The following PVT1 variants were observed in gnomAD, a reference collection of about 807,000 sequenced individuals.
PVT1 encodes the protein CXCR4/PVT1 fusion.
intron 2 of PVT1, among the ~76,000 whole-genome samples, chr8:127,834,809 A>G (rs749801395): frequency 6.6e-6 from 1 of 152,056 alleles, no homozygotes; most frequent in Non-Finnish European, 1.5e-5. Flanking sequence ...AGACATTTAT[A>G]TGGCCAACAA....
At chr8:128,059,794 G>C (rs1813807012) in intron 4 of PVT1, among the ~76,000 whole-genome samples, 1 of 152,178 alleles carries the variant, frequency 6.6e-6, no homozygotes, top group Admixed American at 6.5e-5. Context: ...GATGCAAAGA[G>C]GTTCAGAAAC....
intron 2 of PVT1, among the ~76,000 whole-genome samples, chr8:127,890,392 C>T (rs946044064): frequency 3.9e-5 from 6 of 152,230 alleles, no homozygotes; most frequent in Non-Finnish European, 4.4e-5. Context: ...AGAGGTCCTT[C>T]GTACCGCAGG....
At chr8:128,025,222 C>T (rs1411694958) in intron 4 of PVT1, among the ~76,000 whole-genome samples, 1 of 152,176 alleles carries the variant, frequency 6.6e-6, no homozygotes, top group Non-Finnish European at 1.5e-5. Flanking sequence ...GTTCGGGGTA[C>T]GGAAGCAGGA....
In PVT1 at chr8:127,843,435, C is replaced by G. The variant is rs542021497; in HGVS notation, n.373-47154C>G. On this transcript the variant is annotated intron_variant and non_coding_transcript_variant, in intron 2 of 10. Coordinates refer to ENST00000651587, the Ensembl canonical transcript of PVT1. ...TAAATCAAACAGCTCTTGAGAGATG[C>G]CTGTTTGGCTGTTTTTATTTTTTTA... Among the ~76,000 whole-genome samples the G allele has an allele frequency of 2.8e-3, 422 of 152,196 alleles. 1 individual carries two copies. The highest frequency in any genetic ancestry group is 0.01 in the Middle Eastern group (3 of 294).
rs1814643611 is a variant in PVT1 at position 127,815,037 on chromosome 8, G to GCTCAC, written n.372+18968_372+18972dup. Among the ~76,000 whole-genome samples the GCTCAC allele has an allele frequency of 5.9e-5, 9 of 152,144 alleles. No homozygotes were observed. The South Asian group carries it at 1.9e-3, about 32-fold the overall frequency. Reference sequence around the variant, plus strand: ...GCTGGAGTGCAGTGGCACAATTTCAGCTCACCACAACCTCTGCCTCCCAAT... The same window carrying GCTCAC: ...GCTGGAGTGCAGTGGCACAATTTCAGCTCACCTCACCACAACCTCTGCCTCCCAAT... On this transcript the variant is annotated intron_variant and non_coding_transcript_variant, in intron 2 of 10. Coordinates refer to ENST00000651587, the Ensembl canonical transcript of PVT1.
At chr8:127,889,039 T>TTCCTTCCTTCCTTC (rs1563631167) in intron 2 of PVT1, among the ~76,000 whole-genome samples, 230 of 82,538 alleles carry the variant, frequency 2.8e-3, no homozygotes, top group African/African-American at 4.3e-3. Flanking sequence ...TCTCTTTCTT[T>TTCCTTCCTTCCTTC]CTTCCTTCCT....
chr8:127,819,476 G>T (rs903016219), intron 2 of PVT1, among the ~76,000 whole-genome samples: 2 of 152,242 alleles, frequency 1.3e-5, no homozygotes, highest in African/African-American at 4.8e-5. Context: ...GAGGCAGAGA[G>T]ATAAGTGTCT....
chr8:127,828,929 G>C (rs1814820904), intron 2 of PVT1, among the ~76,000 whole-genome samples: 1 of 152,106 alleles, frequency 6.6e-6, no homozygotes, highest in South Asian at 2.1e-4. Flanking sequence ...AGGTAAACTT[G>C]TTAGCATCTG....
intron 4 of PVT1, among the ~76,000 whole-genome samples, chr8:128,007,426 CT>C (rs1193042268): frequency 7.1e-6 from 1 of 141,444 alleles, no homozygotes; most frequent in Non-Finnish European, 1.6e-5. Flanking sequence ...AAAATAAAAA[CT>C]AAAAAAAAAA....
intron 3 of PVT1, among the ~76,000 whole-genome samples, chr8:127,944,371 G>T (rs573541954): frequency 3.3e-5 from 5 of 152,164 alleles, no homozygotes; most frequent in African/African-American, 9.7e-5. Flanking sequence ...GAAGCCCCAG[G>T]TTCAATTTCT....
At chr8:127,931,169 G>A (rs767936799) in intron 3 of PVT1, among the ~76,000 whole-genome samples, 7 of 152,232 alleles carry the variant, frequency 4.6e-5, no homozygotes, top group Admixed American at 6.5e-5. Flanking sequence ...GCCTCATAAA[G>A]TGCTGGAATT....
intron 4 of PVT1, among the ~76,000 whole-genome samples, chr8:128,069,952 AG>A (rs748927332): frequency 6.6e-6 from 1 of 152,124 alleles, no homozygotes; most frequent in African/African-American, 2.4e-5. Flanking sequence ...AGAGGAGATG[AG>A]GAGACAAATG....
At chr8:127,821,913 G>A (rs1814734277) in intron 2 of PVT1, among the ~76,000 whole-genome samples, 1 of 152,212 alleles carries the variant, frequency 6.6e-6, no homozygotes, top group Admixed American at 6.5e-5. Flanking sequence ...GGACTTTAGA[G>A]TTGTGCAGGG....
At chr8:128,036,510 A>C (rs922613124) in intron 4 of PVT1, among the ~76,000 whole-genome samples, 14 of 152,278 alleles carry the variant, frequency 9.2e-5, no homozygotes, top group African/African-American at 3.4e-4. Context: ...TTTAGTAGTT[A>C]GCAGTGGGAG....
intron 2 of PVT1, among the ~76,000 whole-genome samples, chr8:127,881,435 A>ATATTATTATTAT (rs79735415): frequency 2.1e-3 from 209 of 100,838 alleles, no homozygotes; most frequent in African/African-American, 0.011. Context: ...TATTGTTATT[A>ATATTATTATTAT]TATTATTATT....
At chr8:127,870,864 A>G (rs552720329) in intron 2 of PVT1, among the ~76,000 whole-genome samples, 26 of 152,318 alleles carry the variant, frequency 1.7e-4, no homozygotes, top group African/African-American at 5.8e-4. Context: ...GTGAGCCCTT[A>G]TTATTTATAC....
intron 3 of PVT1, among the ~76,000 whole-genome samples, chr8:127,933,499 G>GTGGGTATAGT (rs1177897936): frequency 1.5e-4 from 23 of 152,346 alleles, no homozygotes; most frequent in African/African-American, 5.5e-4. Context: ...GCGGGTATAG[G>GTGGGTATAGT]TGGGTATAGT....
chr8:128,012,273 T>G (rs1817323108), intron 4 of PVT1, among the ~76,000 whole-genome samples: 1 of 152,184 alleles, frequency 6.6e-6, no homozygotes, highest in African/African-American at 2.4e-5. Flanking sequence ...GGCTTGGACC[T>G]GGGTCTCTAC....
At chr8:127,807,362 T>C (rs1814539452) in intron 2 of PVT1, among the ~76,000 whole-genome samples, 1 of 152,210 alleles carries the variant, frequency 6.6e-6, no homozygotes, top group Non-Finnish European at 1.5e-5. Context: ...GGACAGAATC[T>C]CACTCTGTCA....
Sources: allele counts gnomAD v4.1 joint callset (sites outside exome capture counted in the v4.1 genomes callset), GRCh38; gene constraint gnomAD v4.1.1; transcripts MANE v1.5; gene names NCBI Gene and HGNC (gene_info 2026-07-23, HGNC 2026-07-21).